Variants in CXorf58 observed in about 807,000 individuals in gnomAD.
CXorf58 encodes uncharacterized protein CXorf58.
In CXorf58, 24 loss-of-function variants were observed where a neutral mutation model predicts 26.0. The ratio of observed to expected loss-of-function variants is 0.92; its 90% CI spans 0.67 to 1.30. CXorf58 has a LOEUF of 1.30. Ranked by LOEUF, CXorf58 falls within the 50% of genes most tolerant of loss-of-function variation. The pLI is 0.00. For synonymous variants in CXorf58, 87 were observed against 86.1 expected, an observed-to-expected ratio of 1.01 and a Z score of -0.06; for missense variants, 236 against 263.9, an observed-to-expected ratio of 0.89 and a Z score of 0.73.
At chrX:23,909,099 A>G (rs930059376) in intron 1 of CXorf58, among the ~76,000 whole-genome samples, 8 of 111,870 alleles carry the variant, frequency 7.2e-5, no homozygotes, top group Non-Finnish European at 1.5e-4. Context: ...AGAGGATTGT[A>G]TATTCCAAGG....
chrX:23,911,815 A>G lies in CXorf58; in HGVS notation c.175A>G (p.Lys59Glu). Residue 59 changes from lysine (K) to glutamate (E), a missense_variant, in exon 3 of 9, where the codon AAA becomes GAA. Lys to Glu is a moderately conservative substitution (Grantham distance 56). Coordinates refer to ENST00000379211, the MANE Select transcript of CXorf58 (RefSeq NM_152761.3). Reference protein sequence around the residue: ...IQRAWLSHTNKMIFRLLKHAI... With the variant: ...IQRAWLSHTNEMIFRLLKHAI... ...GAGGGCTTGGTTATCTCATACAAAC[A>G]AAATGATATTTCGACTCCTAAAACA... 4.1e-6 allele frequency: 5 copies of G among 1,206,156 alleles called. No individual in the cohort carries two copies. The highest frequency in any genetic ancestry group is 5.6e-6 in the Non-Finnish European group (5 of 891,741).
intron 5 of CXorf58, 127 bp downstream of exon 5, chrX:23,916,455 G>GTT: frequency 3.2e-5 from 6 of 186,195 alleles, no homozygotes; most frequent in Non-Finnish European, 3.7e-5. Flanking sequence ...TAGGTAGTGT[G>GTT]TTTTTTTTTA....
At chrX:23,925,875 G>A (rs1927999353) in intron 5 of CXorf58, among the ~76,000 whole-genome samples, 2 of 91,147 alleles carry the variant, frequency 2.2e-5, no homozygotes, top group African/African-American at 8.5e-5. Flanking sequence ...TGCAACCTCC[G>A]CCTCCTGGGT....
chrX:23,921,439 A>G (rs757712222), intron 5 of CXorf58, among the ~76,000 whole-genome samples: 2 of 111,864 alleles, frequency 1.8e-5, no homozygotes, highest in Admixed American at 9.6e-5. Flanking sequence ...AAGTGTGGTC[A>G]TATTATTGAC....
At chrX:23,909,113 C>G (rs141453628) in intron 1 of CXorf58, among the ~76,000 whole-genome samples, 1 of 111,773 alleles carries the variant, frequency 8.9e-6, no homozygotes, top group Non-Finnish European at 1.9e-5. Flanking sequence ...TCCAAGGCAT[C>G]CCCAAGGAGA....
In CXorf58 at chrX:23,917,872, G is replaced by A. The variant is rs1473626676; in HGVS notation, c.423+1544G>A. ...TTTTATTTTTTTGAGACGGAGTCTC[G>A]CTCTGTCGCCCAGGCTGGAGTGCAG... On this transcript the variant is annotated intron_variant, in intron 5 of 8. Transcript: ENST00000379211. Among the ~76,000 whole-genome samples the A allele has an allele frequency of 5.5e-5, 6 of 109,269 alleles. No homozygotes were observed. The Admixed American group carries it at 5.8e-4, about 11-fold the overall frequency. 94.9% of individuals were successfully genotyped at this position (109,269 alleles called of 115,157 possible). A position where few individuals can be genotyped will look rare whatever the true frequency, so the allele number is the denominator to read the frequency against.
At chrX:23,909,723 G>A (rs1252995080) in intron 1 of CXorf58, among the ~76,000 whole-genome samples, 1 of 111,744 alleles carries the variant, frequency 8.9e-6, no homozygotes, top group Non-Finnish European at 1.9e-5. Flanking sequence ...CAAACTCGTT[G>A]CTTTAAAGAA....
chrX:23,910,729 G>A (rs1198825542), intron 2 of CXorf58, among the ~76,000 whole-genome samples: 1 of 98,564 alleles, frequency 1.0e-5, no homozygotes, highest in African/African-American at 3.8e-5. Flanking sequence ...GGATTCAAAG[G>A]TTTGTTTCCA....
intron 5 of CXorf58, among the ~76,000 whole-genome samples, chrX:23,917,997 C>T (rs1406136922): frequency 9.0e-6 from 1 of 111,308 alleles, no homozygotes; most frequent in Non-Finnish European, 1.9e-5. Flanking sequence ...CCCGCCACCA[C>T]GCCCGGCTAA....
In CXorf58 at chrX:23,939,249, A is replaced by G. The variant is rs1928366005; in HGVS notation, c.945A>G (p.Pro315=). 1.7e-6 allele frequency: 2 copies of G among 1,189,352 alleles called. No homozygotes were observed. The highest frequency in any genetic ancestry group is 2.3e-6 in the Non-Finnish European group (2 of 880,194). Residue 315 remains proline, a synonymous_variant, in exon 9 of 9, where the codon CCA becomes CCG. Coordinates refer to ENST00000379211, the MANE Select transcript of CXorf58 (RefSeq NM_152761.3). ...KEKNTSEVTE[P]KTGPSGTKDN... ...TTATTGATAATTCTGCCTAGGAACC[A>G]AAAACGGGCCCATCAGGTACAAAGG...
Position 23,911,865 on chromosome X carries a change from T to G in CXorf58, c.216+9T>G. On this transcript the variant is annotated intron_variant, in intron 3 of 8. Coordinates refer to ENST00000379211, the MANE Select transcript of CXorf58 (RefSeq NM_152761.3). ...ACGCAATTTGTGCAGCGGTATGTAT[T>G]TTGCTTATTTTTTTCTCTGAGGGAT... 1 of 1,123,363 alleles carries G rather than the reference T, an allele frequency of 8.9e-7. No homozygotes were observed. Among genetic ancestry groups the G allele is most frequent in the Non-Finnish European group, 1.2e-6 (1 of 821,852 alleles). 92.6% of individuals were successfully genotyped at this position (1,123,363 alleles called of 1,213,427 possible).
chrX:23,933,360 G>A (rs1928214221), intron 6 of CXorf58, among the ~76,000 whole-genome samples: 1 of 110,795 alleles, frequency 9.0e-6, no homozygotes, highest in Non-Finnish European at 1.9e-5. Context: ...CCTATCCCTG[G>A]CTCTTAAATG....
intron 4 of CXorf58, among the ~76,000 whole-genome samples, 160 bp downstream of exon 4, chrX:23,915,954 T>C (rs1927709505): frequency 8.9e-6 from 1 of 112,018 alleles, no homozygotes; most frequent in African/African-American, 3.2e-5. Context: ...GAGGCATGAC[T>C]CTGTGGCTAA....
At chrX:23,909,268 C>T (rs1237124243) in intron 1 of CXorf58, among the ~76,000 whole-genome samples, 1 of 111,850 alleles carries the variant, frequency 8.9e-6, no homozygotes, top group Non-Finnish European at 1.9e-5. Flanking sequence ...ATGACAACTT[C>T]ATTTTCACTA....
intron 5 of CXorf58, among the ~76,000 whole-genome samples, chrX:23,918,271 C>T (rs375181834): frequency 9.0e-6 from 1 of 110,846 alleles, no homozygotes; most frequent in East Asian, 2.8e-4. Context: ...AGGTGATTTT[C>T]TCTGGTGGTA....
At chrX:23,912,549 GT>G (rs1460533363) in intron 3 of CXorf58, among the ~76,000 whole-genome samples, 1 of 111,075 alleles carries the variant, frequency 9.0e-6, no homozygotes. Context: ...TTCGAGACCA[GT>G]TTGGCCAACA....
rs1315157393 is a variant in CXorf58, at chrX:23,915,736, G to A, written c.253G>A (p.Ala85Thr). 5 of 1,195,263 alleles carry A rather than the reference G, an allele frequency of 4.2e-6. No individual in the cohort carries two copies. Among genetic ancestry groups the A allele is most frequent in the Middle Eastern group, 2.3e-4 (1 of 4,292 alleles). The change falls in exon 4 of 9, where the codon GCC (alanine) becomes ACC (threonine). Residue 85 changes from alanine (A) to threonine (T), a missense_variant. Physicochemically the swap from Ala to Thr is moderately conservative, Grantham distance 58 (BLOSUM62 0). Coordinates refer to ENST00000379211, the MANE Select transcript of CXorf58 (RefSeq NM_152761.3). ...AACACATGAAATACTGAAGAAAGTG[G>A]CCCCCTTAGAGGCTAAGCTTATTAA... Reference protein sequence around the residue: ...YVTHEILKKVAPLEAKLIKDP... With the variant: ...YVTHEILKKVTPLEAKLIKDP...
At chrX:23,913,876 C>T (rs184934928) in intron 3 of CXorf58, among the ~76,000 whole-genome samples, 1 of 109,665 alleles carries the variant, frequency 9.1e-6, no homozygotes, top group East Asian at 3.0e-4. Flanking sequence ...AGCAAGACTC[C>T]GTCTGAATAC....
chrX:23,935,106 TC>T (rs1928261306), intron 6 of CXorf58, 89 bp from the exon 7 acceptor site: 4 of 631,075 alleles, frequency 6.3e-6, no homozygotes, highest in Non-Finnish European at 1.0e-5. Context: ...CCTCAGGTGA[TC>T]CACCCGCATC....
Sources: gnomAD v4.1 joint callset for allele counts (sites outside exome capture counted in the v4.1 genomes callset) on GRCh38, gnomAD v4.1.1 for gene constraint, MANE v1.5 for transcripts, NCBI Gene and HGNC (gene_info 2026-07-23, HGNC 2026-07-21) for gene names.